The following GIPC2 variants were observed in gnomAD, a reference collection of about 807,000 sequenced individuals.
GIPC2 encodes the protein PDZ domain-containing protein GIPC2.
A neutral mutation model predicts 30.6 loss-of-function variants in GIPC2; 30 were observed. The ratio of observed to expected loss-of-function variants is 0.98; its 90% CI spans 0.73 to 1.33. The LOEUF (loss-of-function observed/expected upper bound fraction) is 1.33, where lower values mean the gene tolerates loss of function less well. Ranked by LOEUF, GIPC2 falls within the 40% of genes most tolerant of loss-of-function variation. The probability of loss-of-function intolerance (pLI) is 0.00; values close to 1 mark genes in which losing one functional copy is unlikely to be tolerated. For missense variants in GIPC2, 414 were observed against 390.3 expected (o/e 1.06, Z -0.51); for synonymous variants, 167 against 150.0 (o/e 1.11, Z -0.83).
At chr1:78,054,281 T>C (rs1327862897) in intron 1 of GIPC2, among the ~76,000 whole-genome samples, 3 of 152,254 alleles carry the variant, frequency 2.0e-5, no homozygotes, top group African/African-American at 7.2e-5. Flanking sequence ...TCCTGAGGGC[T>C]GGGACTTTTT....
intron 2 of GIPC2, among the ~76,000 whole-genome samples, chr1:78,085,484 T>A (rs1397061717): frequency 6.6e-6 from 1 of 151,874 alleles, no homozygotes; most frequent in Non-Finnish European, 1.5e-5. Context: ...CAGTAGTTTC[T>A]ATAGGAATGG....
chr1:78,120,366 G>A (rs1168401605), intron 4 of GIPC2, among the ~76,000 whole-genome samples: 1 of 151,960 alleles, frequency 6.6e-6, no homozygotes, highest in Non-Finnish European at 1.5e-5. Context: ...TGAATGTTTT[G>A]CCCATTTATC....
intron 3 of GIPC2, among the ~76,000 whole-genome samples, chr1:78,115,836 T>C (rs1365990869): frequency 2.0e-5 from 3 of 152,224 alleles, no homozygotes; most frequent in South Asian, 2.1e-4. Context: ...GGAAGACTTA[T>C]GTTTTATGTT....
At chr1:78,103,061 A>G (rs1662277511) in intron 3 of GIPC2, among the ~76,000 whole-genome samples, 1 of 152,202 alleles carries the variant, frequency 6.6e-6, no homozygotes, top group Admixed American at 6.5e-5. Context: ...CTAAAAGGTG[A>G]AGCAGTTTGC....
chr1:78,088,670 C>T (rs1433123353), intron 2 of GIPC2, among the ~76,000 whole-genome samples: 2 of 152,216 alleles, frequency 1.3e-5, no homozygotes, highest in East Asian at 3.9e-4. Flanking sequence ...TAGTGAGACT[C>T]TGTCTCTACA....
intron 3 of GIPC2, among the ~76,000 whole-genome samples, chr1:78,115,094 G>A (rs893561440): frequency 5.9e-5 from 9 of 152,228 alleles, no homozygotes; most frequent in African/African-American, 1.4e-4. Context: ...TTCTTGGGCA[G>A]GGATGATACA....
intron 3 of GIPC2, 31 bp from the exon 4 acceptor site, chr1:78,119,362 T>C: frequency 8.5e-7 from 1 of 1,171,416 alleles, no homozygotes; most frequent in South Asian, 1.2e-5. Flanking sequence ...TTTCTGTGTA[T>C]ATGTATGTTT....
upstream of GIPC2, chr1:78,045,757 C>T (rs1661054626): frequency 1.9e-6 from 2 of 1,063,710 alleles, no homozygotes; most frequent in South Asian, 4.4e-5. Context: ...AGCGTGTTTG[C>T]CTTCTAAGGC....
intron 3 of GIPC2, among the ~76,000 whole-genome samples, chr1:78,095,336 G>T (rs995057292): frequency 3.3e-5 from 5 of 152,254 alleles, no homozygotes; most frequent in Admixed American, 2.6e-4. Context: ...TTATTGCCTT[G>T]TAAAAGGACA....
chr1:78,104,291 C>G (rs1283576503), intron 3 of GIPC2, among the ~76,000 whole-genome samples: 1 of 152,068 alleles, frequency 6.6e-6, no homozygotes, highest in Non-Finnish European at 1.5e-5. Context: ...GCAAATCAGG[C>G]TGCAAAAGCC....
At chr1:78,087,845 A>C (rs1351630371) in intron 2 of GIPC2, among the ~76,000 whole-genome samples, 1 of 152,184 alleles carries the variant, frequency 6.6e-6, no homozygotes, top group Non-Finnish European at 1.5e-5. Context: ...TAGGAGAAAA[A>C]TATTTGCAAA....
At chr1:78,112,083 G>C (rs551536673) in intron 3 of GIPC2, among the ~76,000 whole-genome samples, 1 of 152,344 alleles carries the variant, frequency 6.6e-6, no homozygotes, top group South Asian at 2.1e-4. Context: ...GATGTTTTAA[G>C]AGAGCCAGAT....
At chr1:78,081,852 TA>T (rs1371645741) in intron 2 of GIPC2, among the ~76,000 whole-genome samples, 2 of 152,198 alleles carry the variant, frequency 1.3e-5, no homozygotes, top group African/African-American at 4.8e-5. Context: ...TCTTTGTATT[TA>T]TTTTTTTGTT....
At chr1:78,066,075 A>G (rs751784220) in intron 1 of GIPC2, among the ~76,000 whole-genome samples, 3 of 152,238 alleles carry the variant, frequency 2.0e-5, no homozygotes, top group African/African-American at 4.8e-5. Context: ...GCTTCTGCAC[A>G]GCAAAGAAAA....
chr1:78,070,724 C>G (rs1206030820), intron 1 of GIPC2, among the ~76,000 whole-genome samples: 2 of 151,978 alleles, frequency 1.3e-5, no homozygotes, highest in Non-Finnish European at 2.9e-5. Context: ...AGAAAGTGTT[C>G]TTTTGGTTAT....
At position 78,084,704 on chromosome 1, in the gene GIPC2, A is replaced by G. The variant is rs189562113; in HGVS notation, c.426+3844A>G. Among the ~76,000 whole-genome samples the G allele has an allele frequency of 2.6e-3, 389 of 152,130 alleles. 8 individuals are homozygous for G. Among genetic ancestry groups the G allele is most frequent in the Non-Finnish European group, 4.4e-4 (30 of 67,998 alleles). Reference sequence around the variant, plus strand: ...TTTTATTCTTTTTGTGACAATTGTGAATGAGATTGTCTTTCTGATTTGGTG... The same window carrying G: ...TTTTATTCTTTTTGTGACAATTGTGGATGAGATTGTCTTTCTGATTTGGTG... On this transcript the variant is annotated intron_variant, in intron 2 of 5. Transcript: ENST00000370759.
At chr1:78,111,198 A>G (rs573881217) in intron 3 of GIPC2, among the ~76,000 whole-genome samples, 1 of 152,276 alleles carries the variant, frequency 6.6e-6, no homozygotes, top group African/African-American at 2.4e-5. Flanking sequence ...TGGAGTGGTG[A>G]TATGGATGGT....
intron 1 of GIPC2, chr1:78,069,119 G>A (rs552777637): frequency 2.3e-5 from 23 of 984,308 alleles, no homozygotes; most frequent in East Asian, 2.3e-4. Flanking sequence ...CAACAACTCC[G>A]AGCAAAGGTC....
At chr1:78,053,198 C>T (rs532095367) in intron 1 of GIPC2, among the ~76,000 whole-genome samples, 1 of 152,264 alleles carries the variant, frequency 6.6e-6, no homozygotes, top group East Asian at 1.9e-4. Flanking sequence ...TTGGCACTTG[C>T]AGGAAGGCCT....
Sources: gnomAD v4.1 joint callset for allele counts (sites outside exome capture counted in the v4.1 genomes callset) on GRCh38, gnomAD v4.1.1 for gene constraint, MANE v1.5 for transcripts, NCBI Gene and HGNC (gene_info 2026-07-23, HGNC 2026-07-21) for gene names.